Variants in PRR5 observed in about 807,000 individuals in gnomAD.
PRR5 encodes the protein proline rich 5.
PRR5 carries 25 observed loss-of-function variants against 30.6 expected under a neutral mutation model. The ratio of observed to expected loss-of-function variants is 0.82; its 90% CI spans 0.60 to 1.14. The LOEUF (loss-of-function observed/expected upper bound fraction) is 1.14. Among genes scored for constraint, PRR5 ranks in the 50% most tolerant of loss-of-function variants. PRR5 has a pLI of 0.00. For missense variants in PRR5, 600 were observed against 547.1 expected (o/e 1.10, Z -0.96); for synonymous variants, 286 against 247.1 (o/e 1.16, Z -1.48).
intron 1 of PRR5, among the ~76,000 whole-genome samples, chr22:44,692,875 G>A (rs574756524): frequency 6.6e-6 from 1 of 152,320 alleles, no homozygotes; most frequent in South Asian, 2.1e-4. Context: ...CTCAGCACGG[G>A]GCCAGGCACA....
chr22:44,725,279 C>T lies in PRR5; in HGVS notation c.251C>T (p.Thr84Met), dbSNP rs557153870. The T allele has an allele frequency of 1.5e-5, 25 of 1,613,658 alleles. No individual in the cohort carries two copies. The highest frequency in any genetic ancestry group is 1.4e-4 in the South Asian group (13 of 91,080). ...LLKTELGSFFTEYLQNQLLTK... is the reference protein window; with the variant it reads ...LLKTELGSFFMEYLQNQLLTK... ...AAGACAGAGCTGGGGTCCTTCTTCA[C>T]GGAGTACCTGCAGGTAGGTGGGTCT... The change falls in exon 3 of 8, where the codon ACG (threonine) becomes ATG (methionine). Residue 84 changes from threonine to methionine, a missense_variant. Coordinates refer to ENST00000336985, the MANE Select transcript of PRR5 (RefSeq NM_181333.4).
rs140469367 is a variant in PRR5 at position 44,669,213 on chromosome 22, C to A, written c.-11+408C>A. 3.8e-3 allele frequency among the ~76,000 whole-genome samples: 582 copies of A among 152,092 alleles called. 5 individuals carry two copies. Among genetic ancestry groups the A allele is most frequent in the African/African-American group, 0.013 (542 of 41,494 alleles). On this transcript the variant is annotated intron_variant, in intron 1 of 8. Transcript: ENST00000432186. ...GTCCCCATCTCCTTCCCCGACACCG[C>A]TCTCTCCCCATGGCAGCTCTCCCCT...
Position 44,725,232 on chromosome 22 carries a change from T to C in PRR5, c.216-12T>C, listed in dbSNP as rs1602067300. 1 of 1,613,726 alleles carries C rather than the reference T, an allele frequency of 6.2e-7. No homozygotes were observed. Among genetic ancestry groups the C allele is most frequent in the Non-Finnish European group, 8.5e-7 (1 of 1,179,894 alleles). ...GTCTGGGACTCACTCTTGTCTCACC[T>C]CCCACCCACAGGCAGCTGTTGAAGA... On this transcript the variant is annotated splice_polypyrimidine_tract_variant and intron_variant, in intron 2 of 7. Coordinates refer to ENST00000336985, the MANE Select transcript of PRR5 (RefSeq NM_181333.4).
intron 1 of PRR5, among the ~76,000 whole-genome samples, chr22:44,704,793 T>C (rs1926923220): frequency 6.6e-6 from 1 of 150,736 alleles, no homozygotes; most frequent in Non-Finnish European, 1.5e-5. Flanking sequence ...CTGCACAGGA[T>C]GCAGCAGAGC....
chr22:44,703,998 A>C (rs971069585), intron 1 of PRR5, among the ~76,000 whole-genome samples: 2 of 152,070 alleles, frequency 1.3e-5, no homozygotes, highest in African/African-American at 4.8e-5. Context: ...TCAAATCCCA[A>C]CTCTGCCTCT....
At chr22:44,732,903 GCATA>G (rs1922416235) in intron 6 of PRR5, among the ~76,000 whole-genome samples, 1 of 143,322 alleles carries the variant, frequency 7.0e-6, no homozygotes, top group Admixed American at 6.9e-5. Flanking sequence ...ACGTGCACAC[GCATA>G]CACACTACAC....
chr22:44,706,880 C>T (rs1023802967), intron 1 of PRR5, among the ~76,000 whole-genome samples: 3 of 151,834 alleles, frequency 2.0e-5, no homozygotes, highest in African/African-American at 7.3e-5. Flanking sequence ...GCCGGCCGGG[C>T]CCCCCTTACA....
In PRR5 at chr22:44,735,120, C is replaced by G; in HGVS notation, c.649C>G (p.Leu217Val). ...GTCGCCATACCTGGGCACCTACGGC[C>G]TCCACTCCAGCGAGGGGCCCTTCAC... ...VVSPYLGTYG[L>V]HSSEGPFTHS... The change falls in exon 7 of 8, where the codon CTC becomes GTC. Residue 217 changes from leucine (L) to valine (V), a missense_variant. Physicochemically the swap from Leu to Val is conservative, Grantham distance 32. Coordinates refer to ENST00000336985, the MANE Select transcript of PRR5 (RefSeq NM_181333.4). 1.2e-6 allele frequency: 2 copies of G among 1,613,166 alleles called. No individual in the cohort carries two copies. The highest frequency in any genetic ancestry group is 1.1e-5 in the South Asian group (1 of 91,070).
chr22:44,683,999 G>C (rs1299578090), intron 1 of PRR5, among the ~76,000 whole-genome samples: 1 of 152,246 alleles, frequency 6.6e-6, no homozygotes, highest in African/African-American at 2.4e-5. Context: ...GGCTTTGACT[G>C]CAGCGACAGG....
At chr22:44,723,207 C>CT (rs1477791544) in intron 2 of PRR5, among the ~76,000 whole-genome samples, 1 of 151,932 alleles carries the variant, frequency 6.6e-6, no homozygotes, top group Non-Finnish European at 1.5e-5. Flanking sequence ...TGGTTTCGAA[C>CT]TTTGGACCTC....
At chr22:44,718,458 G>C (rs1929443799) in intron 2 of PRR5, among the ~76,000 whole-genome samples, 1 of 152,144 alleles carries the variant, frequency 6.6e-6, no homozygotes, top group Non-Finnish European at 1.5e-5. Flanking sequence ...GCCTCCCAAA[G>C]TGCTGGGGTT....
intron 1 of PRR5, among the ~76,000 whole-genome samples, chr22:44,710,984 A>G (rs1352288046): frequency 6.7e-6 from 1 of 149,616 alleles, no homozygotes; most frequent in East Asian, 2.0e-4. Flanking sequence ...TGAACCACTG[A>G]GTGATTAGGT....
chr22:44,684,358 C>T (rs540625494), intron 1 of PRR5, among the ~76,000 whole-genome samples: 99 of 152,180 alleles, frequency 6.5e-4, no homozygotes, highest in Non-Finnish European at 9.3e-4. Flanking sequence ...GCCTGGCCAA[C>T]ATGGTGAAAC....
At chr22:44,721,676 C>A (rs8137831) in intron 2 of PRR5, among the ~76,000 whole-genome samples, 49,000 of 151,954 alleles carry the variant, frequency 0.32, 8,414 homozygotes, top group African/African-American at 0.43. Context: ...AGATTCCCTG[C>A]CTCCAGACCC....
At chr22:44,692,352 G>T (rs1309511040) in intron 1 of PRR5, among the ~76,000 whole-genome samples, 10 of 127,156 alleles carry the variant, frequency 7.9e-5, no homozygotes, top group South Asian at 2.7e-4. Flanking sequence ...CCTCCTGGGG[G>T]CTCCTCCTCC....
intron 2 of PRR5, among the ~76,000 whole-genome samples, chr22:44,715,378 G>A (rs1159455687): frequency 1.3e-5 from 2 of 152,208 alleles, no homozygotes; most frequent in Non-Finnish European, 2.9e-5. Flanking sequence ...TGGCAAAATA[G>A]GCAGTAACCC....
chr22:44,702,245 C>A lies in PRR5; in HGVS notation c.-230C>A, dbSNP rs1213051600. On this transcript the variant is annotated 5_prime_UTR_variant, in exon 1 of 8. Coordinates refer to ENST00000336985, the MANE Select transcript of PRR5 (RefSeq NM_181333.4). ...GGGTCTGTGCTGGCCGCGCGCCTGG[C>A]GCTCCACGCTGAGCCTCTCCGTGCA... 8.9e-7 allele frequency: 1 copy of A among 1,129,292 alleles called. No individual in the cohort carries two copies. The highest frequency in any genetic ancestry group is 1.1e-6 in the Non-Finnish European group (1 of 921,776). The allele number at this position is 1,129,292 out of a possible 1,614,324, so 70.0% of individuals were successfully genotyped here. A position where few individuals can be genotyped will look rare whatever the true frequency, so the allele number is the denominator to read the frequency against.
Position 44,731,881 on chromosome 22 carries a change from C to T in PRR5, c.414+60C>T, listed in dbSNP as rs1210671331. On this transcript the variant is annotated intron_variant, in intron 5 of 7. Coordinates refer to ENST00000336985, the MANE Select transcript of PRR5 (RefSeq NM_181333.4). ...GCCCCTGCTGTGCCCACCCTGGCCT[C>T]ACTCTACAGAGGGGGGCCGCCAGGC... 3.2e-6 allele frequency: 5 copies of T among 1,549,086 alleles called. No individual in the cohort carries two copies. The Admixed American group carries it at 7.3e-5, about 23-fold the overall frequency.
At chr22:44,676,266 T>G (rs1923751708), upstream of PRR5, among the ~76,000 whole-genome samples, 1 of 150,096 alleles carries the variant, frequency 6.7e-6, no homozygotes, top group Admixed American at 6.6e-5. Context: ...TGGCATGCAC[T>G]TGTGGTCTTA....
Sources: allele counts gnomAD v4.1 joint callset (sites outside exome capture counted in the v4.1 genomes callset), GRCh38; gene constraint gnomAD v4.1.1; transcripts MANE v1.5; gene names NCBI Gene and HGNC (gene_info 2026-07-23, HGNC 2026-07-21).